Variants in SLC25A17 observed in about 807,000 individuals in gnomAD.
SLC25A17 encodes the protein peroxisomal membrane protein PMP34.
In SLC25A17, 26 loss-of-function variants were observed where a neutral mutation model predicts 38.5. That is an observed-to-expected ratio of 0.68 (90% CI 0.50 to 0.94). The LOEUF is 0.94. Among genes scored for constraint, SLC25A17 ranks in the 40% least tolerant of loss-of-function variants. The probability of loss-of-function intolerance (pLI) is 0.00; values close to 1 mark genes in which losing one functional copy is unlikely to be tolerated. For synonymous variants in SLC25A17, 139 were observed against 136.2 expected (o/e 1.02, Z -0.14); for missense variants, 333 against 372.7 (o/e 0.89, Z 0.88).
At position 40,789,054 on chromosome 22, in the gene SLC25A17, G is replaced by T; in HGVS notation, c.334+3471C>A. The T allele has an allele frequency of 1.0e-5, 3 of 288,074 alleles. No individual in the cohort carries two copies. The allele number at this position is 288,074 out of a possible 1,614,324, so 17.8% of individuals were successfully genotyped here. On this transcript the variant is annotated intron_variant, in intron 4 of 8. Coordinates refer to ENST00000435456, the MANE Select transcript of SLC25A17 (RefSeq NM_006358.4). This position sits in a 1 kb window ranked among gnomAD's most constrained non-coding sequence, Gnocchi z 4.5. ...TCTCATAGTATGGGTTCCATCCTAT[G>T]CTCACCACCATCTTCTGACCATCTC...
chr22:40,812,340 T>C (rs568790646), intron 1 of SLC25A17, among the ~76,000 whole-genome samples: 15 of 152,306 alleles, frequency 9.8e-5, no homozygotes, highest in African/African-American at 2.4e-4. Flanking sequence ...AATCCACATA[T>C]GAAGTTGGGC....
chr22:40,809,893 T>C (rs1364955437), intron 1 of SLC25A17, among the ~76,000 whole-genome samples: 1 of 152,158 alleles, frequency 6.6e-6, no homozygotes, highest in Non-Finnish European at 1.5e-5. Context: ...CACTGTCCTT[T>C]CCAGGAAAAC....
At chr22:40,794,830 G>A (rs1387484948) in intron 2 of SLC25A17, among the ~76,000 whole-genome samples, 8 of 152,074 alleles carry the variant, frequency 5.3e-5, no homozygotes, top group Admixed American at 5.2e-4. Context: ...TTTTGGCCAG[G>A]CTGGTCTTGA....
chr22:40,772,453 C>G (rs1048675172), intron 8 of SLC25A17, among the ~76,000 whole-genome samples: 1 of 152,082 alleles, frequency 6.6e-6, no homozygotes, highest in African/African-American at 2.4e-5. Context: ...TACAGGCAGG[C>G]ACCAGGATGC....
intron 4 of SLC25A17, among the ~76,000 whole-genome samples, chr22:40,787,631 C>A (rs1445172970): frequency 6.6e-6 from 1 of 152,094 alleles, no homozygotes; most frequent in Admixed American, 6.6e-5. Context: ...ATACTGAAAG[C>A]TTTTAAGCAG....
At chr22:40,791,245 T>C (rs2057383271) in intron 4 of SLC25A17, among the ~76,000 whole-genome samples, 1 of 152,186 alleles carries the variant, frequency 6.6e-6, no homozygotes, top group East Asian at 1.9e-4. Context: ...GAGCCTGTGA[T>C]GACTCCTAGA....
intron 4 of SLC25A17, 66 bp downstream of exon 4, chr22:40,792,459 C>A: frequency 2.2e-6 from 3 of 1,356,712 alleles, no homozygotes; most frequent in Non-Finnish European, 3.0e-6. Context: ...GGCTAAATAA[C>A]CTCTTAGAGG....
intron 5 of SLC25A17, 81 bp downstream of exon 5, chr22:40,778,928 T>C (rs1682074775): frequency 2.5e-6 from 3 of 1,216,364 alleles, no homozygotes; most frequent in East Asian, 2.3e-5. Context: ...GGATATGTTA[T>C]GTAGCTTTAT....
intron 4 of SLC25A17, among the ~76,000 whole-genome samples, chr22:40,783,999 C>T (rs1372300119): frequency 1.3e-5 from 2 of 152,168 alleles, no homozygotes; most frequent in East Asian, 3.9e-4. Context: ...GCCACCGCGC[C>T]CGGCCAATGG....
At chr22:40,777,499 T>C (rs2145649590) in intron 5 of SLC25A17, 126 bp from the exon 6 acceptor site, 3 of 1,125,376 alleles carry the variant, frequency 2.7e-6, no homozygotes, top group Middle Eastern at 3.0e-4. Flanking sequence ...ATTTCCTTCT[T>C]GCAGCCGGTT....
chr22:40,782,391 T>C (rs2057303279), intron 4 of SLC25A17, among the ~76,000 whole-genome samples: 1 of 152,234 alleles, frequency 6.6e-6, no homozygotes, highest in Non-Finnish European at 1.5e-5. Flanking sequence ...CTTTCTTTTA[T>C]GTAACAAATC....
At chr22:40,814,218 A>T (rs901684369) in intron 1 of SLC25A17, among the ~76,000 whole-genome samples, 1 of 152,190 alleles carries the variant, frequency 6.6e-6, no homozygotes, top group African/African-American at 2.4e-5. Flanking sequence ...GGACTTAAAA[A>T]ACTCAAAATG....
intron 2 of SLC25A17, among the ~76,000 whole-genome samples, chr22:40,795,707 C>A (rs536861147): frequency 6.6e-6 from 1 of 152,300 alleles, no homozygotes; most frequent in East Asian, 1.9e-4. Context: ...TACTATCTAC[C>A]TTTTACAGGA....
chr22:40,805,907 G>A (rs1210636259), intron 1 of SLC25A17, among the ~76,000 whole-genome samples: 1 of 152,192 alleles, frequency 6.6e-6, no homozygotes, highest in South Asian at 2.1e-4. Flanking sequence ...TTACTATTAC[G>A]CAAATTGTGG....
At chr22:40,795,482 C>T (rs964710380) in intron 2 of SLC25A17, among the ~76,000 whole-genome samples, 3 of 151,858 alleles carry the variant, frequency 2.0e-5, no homozygotes, top group Non-Finnish European at 2.9e-5. Context: ...GTAGTAGAGA[C>T]GGGGTTTCAC....
At chr22:40,773,651 G>A (rs2057210724) in intron 8 of SLC25A17, among the ~76,000 whole-genome samples, 1 of 152,212 alleles carries the variant, frequency 6.6e-6, no homozygotes, top group Non-Finnish European at 1.5e-5. Context: ...ACTGATGAAA[G>A]CACACTCAGG....
chr22:40,816,197 T>A (rs1184637121), intron 1 of SLC25A17, among the ~76,000 whole-genome samples: 9 of 114,864 alleles, frequency 7.8e-5, no homozygotes, highest in African/African-American at 2.6e-4. Context: ...AAACTCCATC[T>A]CAAAAAAAAA....
In SLC25A17 at chr22:40,792,614, T is replaced by C. The variant is rs778307037; in HGVS notation, c.245A>G (p.Tyr82Cys). 1.6e-5 allele frequency: 26 copies of C among 1,613,886 alleles called. No homozygotes were observed. The highest frequency in any genetic ancestry group is 1.9e-5 in the Non-Finnish European group (23 of 1,179,976). Reference protein sequence around the residue: ...ISSLCCSNFVYFYTFNSLKAL... With the variant: ...ISSLCCSNFVCFYTFNSLKAL... ...TTTGAGGCTATTAAAAGTGTAGAAA[T>C]AGACAAAATTGGAGCAGCAGAGACT... The change falls in exon 4 of 9, where the codon TAT becomes TGT. Residue 82 changes from tyrosine (Y) to cysteine (C), a missense_variant. Tyr to Cys is a radical substitution (Grantham distance 194, BLOSUM62 -2). Coordinates refer to ENST00000435456, the MANE Select transcript of SLC25A17 (RefSeq NM_006358.4).
At chr22:40,797,827 C>T (rs2145683766) in intron 2 of SLC25A17, among the ~76,000 whole-genome samples, 1 of 152,288 alleles carries the variant, frequency 6.6e-6, no homozygotes. Context: ...GCCTGTATGC[C>T]CGGCCAGCCC....
Sources: gnomAD v4.1 joint callset for allele counts (sites outside exome capture counted in the v4.1 genomes callset) on GRCh38, gnomAD v4.1.1 for gene constraint, Gnocchi (gnomAD v3.1) non-coding constraint, MANE v1.5 for transcripts, NCBI Gene and HGNC (gene_info 2026-07-23, HGNC 2026-07-21) for gene names.